PRKCA: variants seen among roughly 807,000 people sequenced by gnomAD.
PRKCA encodes protein kinase C alpha type.
PRKCA carries 27 observed loss-of-function variants against 87.0 expected under a neutral mutation model. That is an observed-to-expected ratio of 0.31 (90% CI 0.23 to 0.43). PRKCA has a LOEUF of 0.43. Ranked by LOEUF, PRKCA falls within the 20% of genes least tolerant of loss-of-function variation. The pLI, the probability that PRKCA is intolerant of heterozygous loss-of-function variation, is 1.00. For synonymous variants in PRKCA, 329 were observed against 311.1 expected (o/e 1.06, Z -0.61); for missense variants, 518 against 852.3 (o/e 0.61, Z 4.88).
chr17:66,623,067 G>A (rs1970736133), intron 3 of PRKCA, among the ~76,000 whole-genome samples: 1 of 152,196 alleles, frequency 6.6e-6, no homozygotes, highest in African/African-American at 2.4e-5. Flanking sequence ...CAGACATTAG[G>A]ACAGTTTTTC....
At chr17:66,457,900 G>T (rs1227235378) in intron 2 of PRKCA, among the ~76,000 whole-genome samples, 1 of 152,160 alleles carries the variant, frequency 6.6e-6, no homozygotes, top group Non-Finnish European at 1.5e-5. Context: ...CACTAGCTGA[G>T]TGTGCTGCTG....
chr17:66,372,935 T>G (rs1031189537), intron 2 of PRKCA, among the ~76,000 whole-genome samples: 7 of 152,060 alleles, frequency 4.6e-5, no homozygotes, highest in Non-Finnish European at 8.8e-5. Context: ...CGGGCACCTA[T>G]AATCCCAGCT....
At chr17:66,580,663 A>G (rs1969395973) in intron 3 of PRKCA, among the ~76,000 whole-genome samples, 1 of 152,190 alleles carries the variant, frequency 6.6e-6, no homozygotes. Flanking sequence ...GAAAAGTGCA[A>G]TATTGTCAGT....
chr17:66,615,994 T>C (rs1970508098), intron 3 of PRKCA, among the ~76,000 whole-genome samples: 1 of 152,184 alleles, frequency 6.6e-6, no homozygotes. Flanking sequence ...CTTTGCTCAA[T>C]GCCTTGCTCA....
In PRKCA at chr17:66,803,788, C is replaced by A. The variant is rs1309061653; in HGVS notation, c.1855-85C>A. The A allele has an allele frequency of 3.9e-6, 6 of 1,548,600 alleles. No individual in the cohort carries two copies. The Admixed American group carries it at 7.1e-5, about 18-fold the overall frequency. ...CAGCCCGGAGTTCCCCAGGGCCGTG[C>A]CCCTCCCCAGAGAGGGCCCTCGGAG... On this transcript the variant is annotated intron_variant, in intron 16 of 16. Transcript: ENST00000413366. The surrounding 1 kb of genome is among the most constrained non-coding windows in gnomAD (Gnocchi z 4.4).
chr17:66,455,618 G>C (rs554113843), intron 2 of PRKCA, among the ~76,000 whole-genome samples: 1 of 152,312 alleles, frequency 6.6e-6, no homozygotes, highest in South Asian at 2.1e-4. Flanking sequence ...CATCAACTTA[G>C]TGGACTTGGA....
At chr17:66,605,250 C>G (rs1970172344) in intron 3 of PRKCA, among the ~76,000 whole-genome samples, 1 of 152,166 alleles carries the variant, frequency 6.6e-6, no homozygotes, top group Non-Finnish European at 1.5e-5. Context: ...CAACTGAGGA[C>G]CAAGTAGTTT....
chr17:66,732,471 A>C (rs557269854), intron 8 of PRKCA, among the ~76,000 whole-genome samples: 7 of 152,320 alleles, frequency 4.6e-5, no homozygotes, highest in African/African-American at 1.4e-4. Flanking sequence ...GTTGTCTCTT[A>C]ATAGGGAGAG....
intron 2 of PRKCA, among the ~76,000 whole-genome samples, chr17:66,447,113 A>G (rs1407383704): frequency 1.3e-5 from 2 of 152,202 alleles, no homozygotes; most frequent in Admixed American, 1.3e-4. Flanking sequence ...CTCCGAGTGT[A>G]AGAGCTCTCT....
chr17:66,645,479 C>T lies in PRKCA; in HGVS notation c.497C>T (p.Ala166Val), dbSNP rs1263068379. 6.2e-7 allele frequency: 1 copy of T among 1,614,154 alleles called. No individual in the cohort carries two copies. The highest frequency in any genetic ancestry group is 8.5e-7 in the Non-Finnish European group (1 of 1,180,026). ...TEKRGRIYLK[A>V]EVADEKLHVT... is the part of the protein sequence containing the mutation. Reference sequence around the variant, plus strand: ...AAGAGGGGGCGGATTTACCTAAAGGCTGAGGTTGCTGATGAAAAGCTCCAT... The same window carrying T: ...AAGAGGGGGCGGATTTACCTAAAGGTTGAGGTTGCTGATGAAAAGCTCCAT... Residue 166 changes from alanine to valine, a missense_variant, in exon 5 of 17, where the codon GCT becomes GTT. Physicochemically the swap from Ala to Val is moderately conservative, Grantham distance 64. This residue lies in a region of PRKCA where 300 missense variants were observed against 496.8 expected (regional missense o/e 0.60). Coordinates refer to ENST00000413366, the MANE Select transcript of PRKCA (RefSeq NM_002737.3).
intron 8 of PRKCA, among the ~76,000 whole-genome samples, chr17:66,692,292 C>T (rs1338169396): frequency 6.6e-6 from 1 of 152,196 alleles, no homozygotes; most frequent in African/African-American, 2.4e-5. Context: ...AGCTCATTTG[C>T]TTAGAGCATT....
At chr17:66,582,235 A>G (rs1969464512) in intron 3 of PRKCA, among the ~76,000 whole-genome samples, 1 of 152,192 alleles carries the variant, frequency 6.6e-6, no homozygotes, top group Admixed American at 6.5e-5. Context: ...TTCTGTATTA[A>G]CTACCGCAAC....
At chr17:66,661,288 A>C (rs980278468) in intron 5 of PRKCA, among the ~76,000 whole-genome samples, 1 of 104,164 alleles carries the variant, frequency 9.6e-6, no homozygotes, top group African/African-American at 3.7e-5. Context: ...CTGTGACTGG[A>C]GGGCAGATAT....
At chr17:66,569,993 A>G (rs1043899415) in intron 3 of PRKCA, among the ~76,000 whole-genome samples, 2 of 152,198 alleles carry the variant, frequency 1.3e-5, no homozygotes, top group African/African-American at 4.8e-5. Flanking sequence ...CCTGGAAACA[A>G]CTCAGATGTT....
chr17:66,318,846 C>G (rs1042476444), intron 2 of PRKCA, among the ~76,000 whole-genome samples: 3 of 151,332 alleles, frequency 2.0e-5, no homozygotes, highest in Non-Finnish European at 2.9e-5. Context: ...CAGAGCAAGA[C>G]TCGGTCTCAA....
At chr17:66,388,725 G>A (rs999578762) in intron 2 of PRKCA, among the ~76,000 whole-genome samples, 7 of 152,182 alleles carry the variant, frequency 4.6e-5, no homozygotes, top group African/African-American at 2.4e-5. Flanking sequence ...ACAGGCCCTG[G>A]AGGTTTGTCT....
chr17:66,549,061 C>A (rs1014564639), intron 3 of PRKCA, among the ~76,000 whole-genome samples: 1 of 152,038 alleles, frequency 6.6e-6, no homozygotes, highest in Non-Finnish European at 1.5e-5. Context: ...CTGTCTTGAC[C>A]TCCCAGAGTG....
chr17:66,341,257 C>T (rs1021381615), intron 2 of PRKCA, among the ~76,000 whole-genome samples: 4 of 152,166 alleles, frequency 2.6e-5, no homozygotes, highest in African/African-American at 9.7e-5. Flanking sequence ...GTACTGCTTG[C>T]TGGGCAGCAG....
At chr17:66,442,064 C>G (rs1027159436) in intron 2 of PRKCA, among the ~76,000 whole-genome samples, 1 of 147,492 alleles carries the variant, frequency 6.8e-6, no homozygotes, top group African/African-American at 2.6e-5. Context: ...TAGTCTCTCT[C>G]TCTTTTTTTT....
Sources: allele counts gnomAD v4.1 joint callset (sites outside exome capture counted in the v4.1 genomes callset), GRCh38; gene constraint gnomAD v4.1.1; regional missense constraint gnomAD v4.1.1; non-coding constraint Gnocchi (gnomAD v3.1); transcripts MANE v1.5; gene names NCBI Gene and HGNC (gene_info 2026-07-23, HGNC 2026-07-21).